The following MED27 variants were observed in gnomAD, a reference collection of about 807,000 sequenced individuals.
The protein encoded by MED27 is mediator of RNA polymerase II transcription subunit 27.
A neutral mutation model predicts 38.2 loss-of-function variants in MED27; 30 were observed. The observed-to-expected ratio is 0.79, with a 90% CI of 0.59 to 1.07. The LOEUF (loss-of-function observed/expected upper bound fraction) is 1.07. Ranked by LOEUF, MED27 falls within the 50% of genes least tolerant of loss-of-function variation. MED27 has a pLI of 0.00. For missense variants in MED27, 289 were observed against 397.5 expected, an observed-to-expected ratio of 0.73 and a Z score of 2.32; for synonymous variants, 122 against 153.5, an observed-to-expected ratio of 0.79 and a Z score of 1.52.
At chr9:132,050,933 C>G (rs1160888913) in intron 2 of MED27, among the ~76,000 whole-genome samples, 1 of 152,212 alleles carries the variant, frequency 6.6e-6, no homozygotes, top group Non-Finnish European at 1.5e-5. Flanking sequence ...GAATGGCACT[C>G]AATAACTACT....
chr9:131,986,920 T>C (rs752803285), intron 3 of MED27, among the ~76,000 whole-genome samples: 54 of 152,000 alleles, frequency 3.6e-4, no homozygotes, highest in Non-Finnish European at 6.8e-4. Context: ...ACTGACTTCG[T>C]TGATCCCTTG....
In MED27 at chr9:132,020,812, TTCC is replaced by T. The variant is rs754596289; in HGVS notation, c.349-6348_349-6346del. ...ATATCAGATGATGATATTAGCTTCTTTCCTCCTTTTATCTCCTAATGCTTCTTT... is the reference window on the plus strand; with the variant it reads ...ATATCAGATGATGATATTAGCTTCTTTCCTTTTATCTCCTAATGCTTCTTT... On this transcript the variant is annotated intron_variant, in intron 2 of 7. Coordinates refer to ENST00000292035, the MANE Select transcript of MED27 (RefSeq NM_004269.4). Among the ~76,000 whole-genome samples, 545 of 152,342 alleles carry T rather than the reference TTCC, an allele frequency of 3.6e-3. 4 individuals carry two copies. The highest frequency in any genetic ancestry group is 5.0e-3 in the Non-Finnish European group (342 of 68,034).
At chr9:131,988,753 C>G (rs937873830) in intron 3 of MED27, among the ~76,000 whole-genome samples, 3 of 152,170 alleles carry the variant, frequency 2.0e-5, no homozygotes, top group Non-Finnish European at 2.9e-5. Flanking sequence ...ACTGGGATAA[C>G]AGGCATGCAC....
chr9:132,027,891 T>C (rs1173528336), intron 2 of MED27, among the ~76,000 whole-genome samples: 2 of 152,204 alleles, frequency 1.3e-5, no homozygotes, highest in African/African-American at 4.8e-5. Flanking sequence ...GCTGTGAACC[T>C]GTGCCAGGCC....
intron 2 of MED27, among the ~76,000 whole-genome samples, chr9:132,044,127 T>C (rs1238227905): frequency 1.3e-5 from 2 of 151,708 alleles, no homozygotes; most frequent in East Asian, 1.9e-4. Context: ...AAAGGGTAGA[T>C]GGGAAAGAAA....
intron 3 of MED27, among the ~76,000 whole-genome samples, chr9:131,960,311 C>T (rs770019601): frequency 6.6e-6 from 1 of 152,242 alleles, no homozygotes. Context: ...TCAGTTGTGT[C>T]GTATCAATCA....
At chr9:131,966,821 CTAA>C (rs1242232843) in intron 3 of MED27, among the ~76,000 whole-genome samples, 1 of 152,140 alleles carries the variant, frequency 6.6e-6, no homozygotes. Context: ...CAAAAAATAC[CTAA>C]TAATATCAAC....
intron 6 of MED27, among the ~76,000 whole-genome samples, chr9:131,882,910 C>CTT (rs112709962): frequency 2.1e-5 from 3 of 141,834 alleles, no homozygotes; most frequent in Admixed American, 7.1e-5. Context: ...TCAGTGGATA[C>CTT]TTTTTTTTTT....
At chr9:131,979,628 G>C (rs1038932129) in intron 3 of MED27, among the ~76,000 whole-genome samples, 3 of 152,068 alleles carry the variant, frequency 2.0e-5, no homozygotes, top group Non-Finnish European at 4.4e-5. Flanking sequence ...AATGAAATAT[G>C]GCATTGAATA....
intron 1 of MED27, among the ~76,000 whole-genome samples, chr9:132,077,912 G>A (rs1164667373): frequency 6.6e-6 from 1 of 152,104 alleles, no homozygotes; most frequent in Admixed American, 6.5e-5. Flanking sequence ...CTGGAATTTT[G>A]AAATGTGGTA....
intron 2 of MED27, among the ~76,000 whole-genome samples, chr9:132,016,162 A>G (rs1429990361): frequency 6.6e-6 from 1 of 152,192 alleles, no homozygotes; most frequent in Admixed American, 6.5e-5. Context: ...AAATGGCCTC[A>G]CCTAAAGCCA....
At chr9:131,962,408 T>A (rs1031308924) in intron 3 of MED27, among the ~76,000 whole-genome samples, 3 of 152,176 alleles carry the variant, frequency 2.0e-5, no homozygotes, top group Non-Finnish European at 4.4e-5. Flanking sequence ...AGCTAATTTT[T>A]GTATTTTTTT....
rs55947789 is a variant in MED27 at position 132,011,949 on chromosome 9, CT to C, written c.479+2387del. ...ATGACAGTTGTGAACACCTCTCGCT[CT>C]TTTTTTTTTTTTTTGGCATGAGAAC... is the stretch of plus-strand genomic sequence containing the variant. On this transcript the variant is annotated intron_variant, in intron 3 of 7. Transcript: ENST00000292035. Among the ~76,000 whole-genome samples, 1,232 of 138,530 alleles carry C rather than the reference CT, an allele frequency of 8.9e-3. 8 individuals are homozygous for C. Among genetic ancestry groups the C allele is most frequent in the African/African-American group, 0.023 (879 of 38,420 alleles). The allele number at this position is 138,530 out of a possible 152,430, so 90.9% of individuals were successfully genotyped here.
intron 2 of MED27, among the ~76,000 whole-genome samples, chr9:132,067,121 G>A (rs535628369): frequency 2.6e-5 from 4 of 152,324 alleles, no homozygotes; most frequent in Non-Finnish European, 4.4e-5. Context: ...CTTAGAAATC[G>A]TTAATACAAA....
intron 2 of MED27, among the ~76,000 whole-genome samples, chr9:132,055,133 C>T (rs1833548784): frequency 6.6e-6 from 1 of 152,238 alleles, no homozygotes; most frequent in African/African-American, 2.4e-5. Flanking sequence ...TACATCCCTG[C>T]ACATAGTGGG....
intron 4 of MED27, among the ~76,000 whole-genome samples, chr9:131,914,815 T>C (rs11243564): frequency 0.11 from 16,083 of 152,178 alleles, 1,108 homozygotes; most frequent in South Asian, 0.18. Context: ...GATGGCAGCC[T>C]GAACTGGGTG....
In MED27 at chr9:132,003,800, C is replaced by G. The variant is rs1832293773; in HGVS notation, c.479+10537G>C. Reference sequence around the variant, plus strand: ...GTATTTTAAAGTGAATCTGGTTCATCAAATCATTTCACCCAAGGTTTAAGG... The same window carrying G: ...GTATTTTAAAGTGAATCTGGTTCATGAAATCATTTCACCCAAGGTTTAAGG... On this transcript the variant is annotated intron_variant, in intron 3 of 7. Coordinates refer to ENST00000292035, the MANE Select transcript of MED27 (RefSeq NM_004269.4). The surrounding 1 kb of genome is among the most constrained non-coding windows in gnomAD (Gnocchi z 4.2). Among the ~76,000 whole-genome samples the G allele has an allele frequency of 6.6e-6, 1 of 152,170 alleles. No individual in the cohort carries two copies. The highest frequency in any genetic ancestry group is 1.5e-5 in the Non-Finnish European group (1 of 68,026).
At chr9:131,875,076 G>A (rs532512451) in intron 6 of MED27, among the ~76,000 whole-genome samples, 12 of 152,258 alleles carry the variant, frequency 7.9e-5, no homozygotes, top group African/African-American at 2.6e-4. Flanking sequence ...CCCCTGCTCA[G>A]TGGGGGAAAC....
intron 4 of MED27, among the ~76,000 whole-genome samples, chr9:131,908,638 T>C (rs376686565): frequency 3.3e-5 from 5 of 152,118 alleles, no homozygotes; most frequent in Non-Finnish European, 5.9e-5. Context: ...GGATTAAGGG[T>C]GGTGCAAGAT....
Sources: allele counts gnomAD v4.1 joint callset (sites outside exome capture counted in the v4.1 genomes callset), GRCh38; gene constraint gnomAD v4.1.1; non-coding constraint Gnocchi (gnomAD v3.1); transcripts MANE v1.5; gene names NCBI Gene and HGNC (gene_info 2026-07-23, HGNC 2026-07-21).